The following PDE4C variants were observed in gnomAD, a reference collection of about 807,000 sequenced individuals.
PDE4C encodes the protein phosphodiesterase 4C.
PDE4C carries 50 observed loss-of-function variants against 63.9 expected under a neutral mutation model. The observed-to-expected ratio is 0.78, with a 90% CI of 0.62 to 0.99. PDE4C has a LOEUF of 0.99. Ranked by LOEUF, PDE4C falls within the 50% of genes least tolerant of loss-of-function variation. PDE4C has a pLI of 0.00. For missense variants in PDE4C, 777 were observed against 899.1 expected, an observed-to-expected ratio of 0.86 and a Z score of 1.74; for synonymous variants, 377 against 385.1, an observed-to-expected ratio of 0.98 and a Z score of 0.25.
At chr19:18,250,194 C>A (rs1408307408), upstream of PDE4C, 8 of 398,822 alleles carry the variant, frequency 2.0e-5, no homozygotes, top group South Asian at 1.0e-3. Flanking sequence ...AAGGAACACA[C>A]AGGGAGGCAT....
At chr19:18,235,291 C>A (rs898601575), upstream of PDE4C, among the ~76,000 whole-genome samples, 1 of 152,196 alleles carries the variant, frequency 6.6e-6, no homozygotes, top group African/African-American at 2.4e-5. Flanking sequence ...CTGCCTCAGT[C>A]TCCCAAGTAG....
intron 12 of PDE4C, among the ~76,000 whole-genome samples, chr19:18,214,250 C>CA (rs78275392): frequency 1.7e-3 from 188 of 113,500 alleles, no homozygotes; most frequent in South Asian, 9.1e-3. Context: ...GACTCCGTCT[C>CA]AAAAAAAAAA....
chr19:18,227,126 C>T (rs1304081304), upstream of PDE4C, among the ~76,000 whole-genome samples: 2 of 152,170 alleles, frequency 1.3e-5, no homozygotes, highest in Non-Finnish European at 1.5e-5. Flanking sequence ...TCCGATCCCA[C>T]GCAATGTTTC....
At chr19:18,217,126 C>A (rs1600069164) in intron 11 of PDE4C, 2 of 456,118 alleles carry the variant, frequency 4.4e-6, no homozygotes, top group Non-Finnish European at 7.7e-6. Context: ...TCATGGACCC[C>A]CTATGGCCAG....
Position 18,220,204 on chromosome 19 carries a change from G to A in PDE4C, c.706+22C>T. ...TTAGTACTCCTAAAATGTCGTCCAG[G>A]CAGTGACTCAACAAAGCTCACCCAG... On this transcript the variant is annotated intron_variant, in intron 7 of 14. Coordinates refer to ENST00000262805, the Ensembl canonical transcript of PDE4C. This position sits in a 1 kb window ranked among gnomAD's most constrained non-coding sequence, Gnocchi z 5.1. The A allele has an allele frequency of 6.4e-7, 1 of 1,573,790 alleles. No homozygotes were observed. The highest frequency in any genetic ancestry group is 8.7e-7 in the Non-Finnish European group (1 of 1,143,734).
At chr19:18,221,061 GTCTCT>G in intron 4 of PDE4C, 39 bp downstream of exon 4, 2 of 691,916 alleles carry the variant, frequency 2.9e-6, no homozygotes, top group Non-Finnish European at 4.0e-6. Context: ...CGCCCACCTT[GTCTCT>G]GCCGGCCCCG....
At chr19:18,239,599 T>G (rs902520032) in intron 1 of PDE4C, among the ~76,000 whole-genome samples, 1 of 152,072 alleles carries the variant, frequency 6.6e-6, no homozygotes, top group East Asian at 1.9e-4. Flanking sequence ...ACTCACAGCT[T>G]TGGGGTAAGG....
chr19:18,241,103 C>A (rs983339086), intron 1 of PDE4C, among the ~76,000 whole-genome samples: 1 of 151,920 alleles, frequency 6.6e-6, no homozygotes, highest in Non-Finnish European at 1.5e-5. Context: ...CAAGAGGCCT[C>A]CCTCGGGAGA....
At chr19:18,217,147 T>G in intron 11 of PDE4C, 1 of 385,374 alleles carries the variant, frequency 2.6e-6, no homozygotes. Context: ...TGACAGTGAG[T>G]ACTCAGTAAT....
intron 1 of PDE4C, among the ~76,000 whole-genome samples, chr19:18,232,765 C>T (rs1359320630): frequency 2.0e-5 from 3 of 152,134 alleles, no homozygotes; most frequent in Non-Finnish European, 4.4e-5. Context: ...GACCCACAAG[C>T]CATGATGACA....
intron 12 of PDE4C, among the ~76,000 whole-genome samples, chr19:18,213,851 G>A (rs1263491218): frequency 6.6e-6 from 1 of 152,174 alleles, no homozygotes; most frequent in Non-Finnish European, 1.5e-5. Context: ...GGCATTCGTT[G>A]AGTCACAGCA....
rs1323885886 is a variant in PDE4C at position 18,220,641 on chromosome 19, C to CCCAA, written c.500-130_500-127dup. Reference sequence around the variant, plus strand: ...ACGGGGGCCACCCAGGACTCCTGGACCCAAGTTCCAGATCTGTTCCCCGAG... The same window carrying CCCAA: ...ACGGGGGCCACCCAGGACTCCTGGACCCAACCAAGTTCCAGATCTGTTCCCCGAG... On this transcript the variant is annotated intron_variant, in intron 5 of 14. Transcript: ENST00000262805. This position sits in a 1 kb window ranked among gnomAD's most constrained non-coding sequence, Gnocchi z 5.1. 1.1e-6 allele frequency: 1 copy of CCCAA among 884,938 alleles called. No homozygotes were observed. Among genetic ancestry groups the CCCAA allele is most frequent in the Non-Finnish European group, 1.7e-6 (1 of 573,600 alleles). 54.8% of individuals were successfully genotyped at this position (884,938 alleles called of 1,614,324 possible).
At chr19:18,233,304 G>A (rs1285446392) in exon 1 of PDE4C, 17 of 1,437,598 alleles carry the variant, frequency 1.2e-5, no homozygotes, top group Non-Finnish European at 1.6e-5. Context: ...AGGCGACAGC[G>A]AGGAGCTGTC....
In PDE4C at chr19:18,219,045, T is replaced by G. The variant is rs1434243708; in HGVS notation, c.871-7A>C. 1.9e-6 allele frequency: 3 copies of G among 1,609,544 alleles called. No individual in the cohort carries two copies. The South Asian group carries it at 3.3e-5, about 18-fold the overall frequency. Reference sequence around the variant, plus strand: ...TGTTGGTGTCTTCTAGCTCCTAAGATATGAAGGGCTGAAGCTTAATTAACC... The same window carrying G: ...TGTTGGTGTCTTCTAGCTCCTAAGAGATGAAGGGCTGAAGCTTAATTAACC... On this transcript the variant is annotated splice_polypyrimidine_tract_variant and splice_region_variant and intron_variant, in intron 8 of 14. Transcript: ENST00000262805.
intron 9 of PDE4C, 81 bp from the exon 10 acceptor site, chr19:18,218,579 C>A (rs1044947458): frequency 6.8e-7 from 1 of 1,469,922 alleles, no homozygotes; most frequent in Non-Finnish European, 9.4e-7. Context: ...CTTCTGAACT[C>A]CTATCTATGC....
upstream of PDE4C, among the ~76,000 whole-genome samples, chr19:18,252,772 C>T (rs2148083647): frequency 6.6e-6 from 1 of 152,238 alleles, no homozygotes; most frequent in East Asian, 1.9e-4. Context: ...CGTGCATTAC[C>T]ACGCCTGGCT....
upstream of PDE4C, among the ~76,000 whole-genome samples, chr19:18,235,802 T>C (rs1185328900): frequency 2.0e-5 from 3 of 151,878 alleles, no homozygotes; most frequent in Non-Finnish European, 2.9e-5. Flanking sequence ...CACTGATCTG[T>C]TTTCAGCTCC....
chr19:18,251,270 C>T (rs892822718), upstream of PDE4C, among the ~76,000 whole-genome samples: 2 of 150,770 alleles, frequency 1.3e-5, no homozygotes, highest in Non-Finnish European at 2.9e-5. Flanking sequence ...GGATTACAGG[C>T]GCCCGCCACC....
upstream of PDE4C, among the ~76,000 whole-genome samples, chr19:18,252,894 A>G (rs1452562970): frequency 6.6e-6 from 1 of 152,246 alleles, no homozygotes; most frequent in Admixed American, 6.5e-5. Context: ...GGCATAAGCC[A>G]TCATGCCCAG....
Sources: allele counts gnomAD v4.1 joint callset (sites outside exome capture counted in the v4.1 genomes callset), GRCh38; gene constraint gnomAD v4.1.1; non-coding constraint Gnocchi (gnomAD v3.1); transcripts MANE v1.5; gene names NCBI Gene and HGNC (gene_info 2026-07-23, HGNC 2026-07-21).